The following STPG2 variants were observed in gnomAD, a reference collection of about 807,000 sequenced individuals.
STPG2 encodes sperm-tail PG-rich repeat-containing protein 2.
Under a neutral mutation model 54.2 loss-of-function variants are expected in STPG2, and 56 were observed. The observed-to-expected ratio is 1.03, with a 90% CI of 0.83 to 1.29. The LOEUF (loss-of-function observed/expected upper bound fraction) is 1.29. Among genes scored for constraint, STPG2 ranks in the 50% most tolerant of loss-of-function variants. The pLI is 0.00. For missense variants in STPG2, 596 were observed against 544.9 expected, an observed-to-expected ratio of 1.09 and a Z score of -0.93; for synonymous variants, 200 against 181.8, an observed-to-expected ratio of 1.10 and a Z score of -0.81.
chr4:98,029,570 T>G (rs1736531568), intron 5 of STPG2, among the ~76,000 whole-genome samples: 1 of 152,158 alleles, frequency 6.6e-6, no homozygotes, highest in Non-Finnish European at 1.5e-5. Flanking sequence ...ATCTACACAT[T>G]CAAAGTATAT....
chr4:97,723,534 A>C (rs1578508398), intron 9 of STPG2, among the ~76,000 whole-genome samples: 1 of 152,284 alleles, frequency 6.6e-6, no homozygotes, highest in East Asian at 1.9e-4. Context: ...TTGTAGTTTT[A>C]CCTTTCCATT....
At chr4:98,077,826 T>G (rs951623855) in intron 5 of STPG2, among the ~76,000 whole-genome samples, 1 of 152,204 alleles carries the variant, frequency 6.6e-6, no homozygotes, top group African/African-American at 2.4e-5. Flanking sequence ...GATTTTCATA[T>G]TATTGATGTG....
At chr4:98,093,498 A>G (rs181729688) in intron 5 of STPG2, among the ~76,000 whole-genome samples, 1 of 152,334 alleles carries the variant, frequency 6.6e-6, no homozygotes, top group East Asian at 1.9e-4. Flanking sequence ...AAGATGATGG[A>G]ATAGAAGCCT....
intron 8 of STPG2, among the ~76,000 whole-genome samples, chr4:97,871,591 A>C (rs2149154760): frequency 6.6e-6 from 1 of 151,352 alleles, no homozygotes; most frequent in South Asian, 2.1e-4. Context: ...CAGTTTACTA[A>C]CATCAGTTTT....
rs1734380039 is a variant in STPG2 at position 97,972,822 on chromosome 4, G to C, written c.773-382C>G. On this transcript the variant is annotated intron_variant, in intron 6 of 10. Transcript: ENST00000295268. ...TGGTTTTAAAAATAGGAGTTTCCCT[G>C]TACAACCTCTCTTCTCTTGTCTGCT... 2.0e-5 allele frequency among the ~76,000 whole-genome samples: 3 copies of C among 152,296 alleles called. No homozygotes were observed. The South Asian group carries it at 6.2e-4, about 32-fold the overall frequency.
chr4:97,740,683 C>G (rs1725194786), intron 9 of STPG2, among the ~76,000 whole-genome samples: 1 of 152,046 alleles, frequency 6.6e-6, no homozygotes, highest in South Asian at 2.1e-4. Context: ...TCAAGGAGAA[C>G]TACAAACCAC....
chr4:97,787,878 A>G (rs1726874615), intron 9 of STPG2, among the ~76,000 whole-genome samples: 1 of 151,710 alleles, frequency 6.6e-6, no homozygotes, highest in Non-Finnish European at 1.5e-5. Flanking sequence ...TTCTTTGGCA[A>G]CTAGATATTG....
At chr4:97,690,444 A>G (rs1723328948) in intron 10 of STPG2, among the ~76,000 whole-genome samples, 1 of 152,180 alleles carries the variant, frequency 6.6e-6, no homozygotes, top group African/African-American at 2.4e-5. Context: ...CAATACTAAT[A>G]TAGTACCACC....
At chr4:97,645,152 G>A (rs1240070226) in intron 10 of STPG2, among the ~76,000 whole-genome samples, 1 of 151,840 alleles carries the variant, frequency 6.6e-6, no homozygotes, top group Non-Finnish European at 1.5e-5. Context: ...GCCTTTTTAT[G>A]TAATCCAGAG....
At chr4:97,751,199 G>A (rs953418766) in intron 9 of STPG2, among the ~76,000 whole-genome samples, 12 of 151,816 alleles carry the variant, frequency 7.9e-5, no homozygotes, top group African/African-American at 2.9e-4. Context: ...AACTCCACTA[G>A]GAGAGAGCAC....
At chr4:97,478,219 T>A (rs906840253) in intron 4 of STPG2, among the ~76,000 whole-genome samples, 3 of 152,048 alleles carry the variant, frequency 2.0e-5, no homozygotes, top group Non-Finnish European at 2.9e-5. Flanking sequence ...ATACACAAAG[T>A]AAATAAAGTG....
chr4:97,625,461 C>G (rs554442009), intron 10 of STPG2, among the ~76,000 whole-genome samples: 5 of 152,208 alleles, frequency 3.3e-5, no homozygotes, highest in Admixed American at 1.3e-4. Flanking sequence ...AGGTGTGCAC[C>G]ACCACACCCA....
At chr4:97,597,279 G>GA (rs1429654730) in intron 10 of STPG2, among the ~76,000 whole-genome samples, 1 of 151,726 alleles carries the variant, frequency 6.6e-6, no homozygotes, top group African/African-American at 2.4e-5. Flanking sequence ...TCCTACCAAT[G>GA]AAAAAAAGCC....
At chr4:98,009,583 C>CT (rs1735679899) in intron 5 of STPG2, among the ~76,000 whole-genome samples, 1 of 151,998 alleles carries the variant, frequency 6.6e-6, no homozygotes, top group Admixed American at 6.6e-5. Context: ...CTGTATATGT[C>CT]TGTTAGGTCC....
At chr4:97,910,161 G>A (rs964003779) in intron 8 of STPG2, among the ~76,000 whole-genome samples, 1 of 152,134 alleles carries the variant, frequency 6.6e-6, no homozygotes, top group African/African-American at 2.4e-5. Context: ...CCTAGGTACT[G>A]TACTAACAAG....
intron 4 of STPG2, among the ~76,000 whole-genome samples, chr4:97,529,496 T>A (rs1731365029): frequency 6.6e-6 from 1 of 152,178 alleles, no homozygotes; most frequent in Non-Finnish European, 1.5e-5. Context: ...GCTGGCATCA[T>A]AAAGTGAGTT....
chr4:97,875,308 C>T (rs1375226377), intron 8 of STPG2, among the ~76,000 whole-genome samples: 1 of 151,588 alleles, frequency 6.6e-6, no homozygotes, highest in Non-Finnish European at 1.5e-5. Flanking sequence ...ATAATTGTCT[C>T]TTTATATACT....
chr4:97,718,344 A>G (rs1021310115), intron 9 of STPG2, among the ~76,000 whole-genome samples: 1 of 152,028 alleles, frequency 6.6e-6, no homozygotes, highest in African/African-American at 2.4e-5. Context: ...CATTTTCTCA[A>G]CTTGTTAAAA....
intron 10 of STPG2, among the ~76,000 whole-genome samples, chr4:97,639,807 C>T (rs1721703476): frequency 6.6e-6 from 1 of 151,326 alleles, no homozygotes; most frequent in African/African-American, 2.4e-5. Flanking sequence ...CAAAAGGAAC[C>T]ATTTGGGAAT....
Sources: allele counts gnomAD v4.1 joint callset (sites outside exome capture counted in the v4.1 genomes callset), GRCh38; gene constraint gnomAD v4.1.1; transcripts MANE v1.5; gene names NCBI Gene and HGNC (gene_info 2026-07-23, HGNC 2026-07-21).